CELA3B: variants seen among roughly 807,000 people sequenced by gnomAD.
The protein encoded by CELA3B is chymotrypsin like elastase 3B, also known as chymotrypsin-like elastase family member 3B.
Under a neutral mutation model 37.2 loss-of-function variants are expected in CELA3B, and 34 were observed. The ratio of observed to expected loss-of-function variants is 0.91; its 90% CI spans 0.70 to 1.22. The LOEUF (loss-of-function observed/expected upper bound fraction) is 1.22, where lower values mean the gene tolerates loss of function less well. Among genes scored for constraint, CELA3B ranks in the 50% most tolerant of loss-of-function variants. The probability of loss-of-function intolerance (pLI) is 0.00; values close to 1 mark genes in which losing one functional copy is unlikely to be tolerated. For synonymous variants in CELA3B, 127 were observed against 143.5 expected, an observed-to-expected ratio of 0.89 and a Z score of 0.82; for missense variants, 340 against 363.1, an observed-to-expected ratio of 0.94 and a Z score of 0.52.
chr1:21,988,992 T>C (rs1187634175), intron 7 of CELA3B, among the ~76,000 whole-genome samples: 5 of 151,900 alleles, frequency 3.3e-5, no homozygotes, highest in South Asian at 2.1e-4. Context: ...CACACACACA[T>C]ATATATGTAT....
At chr1:21,980,641 A>G (rs1282428960) in intron 2 of CELA3B, among the ~76,000 whole-genome samples, 183 bp from the exon 3 acceptor site, 1 of 144,506 alleles carries the variant, frequency 6.9e-6, no homozygotes, top group Non-Finnish European at 1.5e-5. Flanking sequence ...TGGAAAAGTG[A>G]TAGGGCCACC....
rs148487348 is a variant in CELA3B, at chr1:21,986,242, A to G, written c.643-289A>G. Among the ~76,000 whole-genome samples, 1,381 of 151,500 alleles carry G rather than the reference A, an allele frequency of 9.1e-3. 23 individuals are homozygous for G. The highest frequency in any genetic ancestry group is 0.032 in the African/African-American group (1,324 of 41,290). On this transcript the variant is annotated intron_variant, in intron 6 of 7. Coordinates refer to ENST00000337107, the MANE Select transcript of CELA3B (RefSeq NM_007352.4). ...AAATTAGCTGGGTGTGGTGGCAGGT[A>G]CCTGTAATCCCAGCTACTTAGGAGG... is the stretch of plus-strand genomic sequence containing the variant.
chr1:21,988,721 C>T (rs1240462690), intron 7 of CELA3B, among the ~76,000 whole-genome samples: 1 of 151,538 alleles, frequency 6.6e-6, no homozygotes, highest in Non-Finnish European at 1.5e-5. Context: ...GAAACCCTGT[C>T]TCTACTAAAA....
intron 2 of CELA3B, among the ~76,000 whole-genome samples, chr1:21,978,781 T>C (rs1644786523): frequency 6.6e-6 from 1 of 152,078 alleles, no homozygotes; most frequent in South Asian, 2.1e-4. Context: ...CCTAGGATGA[T>C]ACAACAGGGC....
At chr1:21,979,701 G>A (rs1253525977) in intron 2 of CELA3B, among the ~76,000 whole-genome samples, 3 of 150,894 alleles carry the variant, frequency 2.0e-5, no homozygotes, top group East Asian at 2.0e-4. Context: ...TGATCCTCCT[G>A]TCTTGACCTC....
chr1:21,979,602 G>T (rs1181362136), intron 2 of CELA3B, among the ~76,000 whole-genome samples: 2 of 151,226 alleles, frequency 1.3e-5, no homozygotes, highest in Admixed American at 1.3e-4. Context: ...ACAGGCATGT[G>T]CCACCATGCC....
At chr1:21,985,684 G>C (rs1644833297) in intron 6 of CELA3B, among the ~76,000 whole-genome samples, 1 of 151,876 alleles carries the variant, frequency 6.6e-6, no homozygotes, top group African/African-American at 2.4e-5. Context: ...GAGGTCAGGA[G>C]ATCGAGACCA....
chr1:21,991,825 A>C (rs990639705), downstream of CELA3B, among the ~76,000 whole-genome samples: 1 of 151,064 alleles, frequency 6.6e-6, no homozygotes, highest in African/African-American at 2.5e-5. Context: ...AACAGGTTAT[A>C]GAAGGAGCTG....
intron 4 of CELA3B, among the ~76,000 whole-genome samples, chr1:21,996,560 G>C (rs10799729): frequency 0.47 from 70,110 of 150,646 alleles, 18,936 homozygotes; most frequent in African/African-American, 0.67. Context: ...TGTCTATGGA[G>C]TAACCATTCT....
intron 4 of CELA3B, among the ~76,000 whole-genome samples, chr1:21,997,372 A>C: frequency 7.4e-6 from 1 of 135,692 alleles, no homozygotes. Context: ...AAAGAGCAAG[A>C]CAAGAGCAAG....
chr1:21,980,672 C>A, intron 2 of CELA3B, 152 bp from the exon 3 acceptor site: 2 of 612,250 alleles, frequency 3.3e-6, no homozygotes. Flanking sequence ...GCCCAGGTCG[C>A]AGGTTGTATG....
Position 21,984,070 on chromosome 1 carries a change from C to T in CELA3B, c.500-119C>T, listed in dbSNP as rs774557607. On this transcript the variant is annotated intron_variant, in intron 5 of 7. Transcript: ENST00000337107. ...GCACAAAGCATGCAGGACCATTTAG[C>T]GGGTGGGAGGAGAGTCCTCATCAGA... is the stretch of plus-strand genomic sequence containing the variant. 3.0e-5 allele frequency: 40 copies of T among 1,329,428 alleles called. No homozygotes were observed. In the Admixed American group the frequency reaches 3.4e-4, roughly 11 times the overall value. The allele number at this position is 1,329,428 out of a possible 1,614,324, so 82.4% of individuals were successfully genotyped here.
Position 21,989,313 on chromosome 1 carries a change from C to T in CELA3B, c.*34C>T. On this transcript the variant is annotated 3_prime_UTR_variant, in exon 8 of 8. Transcript: ENST00000337107. ...CCCAGCTGGCAGTGCTGATCGATCC[C>T]ACATCCTGAATAAAGAATAAAGATC... is the stretch of plus-strand genomic sequence containing the variant. The T allele has an allele frequency of 1.4e-6, 2 of 1,451,184 alleles. No individual in the cohort carries two copies. The highest frequency in any genetic ancestry group is 1.9e-6 in the Non-Finnish European group (2 of 1,042,380). The allele number at this position is 1,451,184 out of a possible 1,614,324, so 89.9% of individuals were successfully genotyped here. A position where few individuals can be genotyped will look rare whatever the true frequency, so the allele number is the denominator to read the frequency against.
intron 4 of CELA3B, among the ~76,000 whole-genome samples, chr1:21,983,187 T>TA (rs1209066832): frequency 2.0e-5 from 3 of 151,926 alleles, no homozygotes; most frequent in Admixed American, 2.0e-4. Context: ...CCGTCTCTAC[T>TA]AAAAATAATT....
rs920717405 is a variant in CELA3B at position 21,984,087 on chromosome 1, C to T, written c.500-102C>T. 2.1e-6 allele frequency: 3 copies of T among 1,427,940 alleles called. No individual in the cohort carries two copies. The African/African-American group carries it at 4.2e-5, about 20-fold the overall frequency. The allele number at this position is 1,427,940 out of a possible 1,614,324, so 88.5% of individuals were successfully genotyped here. A position where few individuals can be genotyped will look rare whatever the true frequency, so the allele number is the denominator to read the frequency against. Reference sequence around the variant, plus strand: ...CCATTTAGCGGGTGGGAGGAGAGTCCTCATCAGAGCAGAAGAACTGTGCGC... The same window carrying T: ...CCATTTAGCGGGTGGGAGGAGAGTCTTCATCAGAGCAGAAGAACTGTGCGC... On this transcript the variant is annotated intron_variant, in intron 5 of 7. Coordinates refer to ENST00000337107, the MANE Select transcript of CELA3B (RefSeq NM_007352.4).
At chr1:21,985,019 C>G (rs1644829607) in intron 6 of CELA3B, among the ~76,000 whole-genome samples, 1 of 152,016 alleles carries the variant, frequency 6.6e-6, no homozygotes, top group South Asian at 2.1e-4. Context: ...GTCCCTCATG[C>G]CTATAATCCA....
intron 2 of CELA3B, among the ~76,000 whole-genome samples, chr1:21,980,447 T>G (rs1285331373): frequency 4.6e-5 from 7 of 152,082 alleles, no homozygotes; most frequent in Non-Finnish European, 1.0e-4. Context: ...ACCATTGCAC[T>G]CCAGCCTGGG....
chr1:21,981,725 ATTC>A (rs1455078766), intron 4 of CELA3B, among the ~76,000 whole-genome samples: 3 of 99,698 alleles, frequency 3.0e-5, no homozygotes, highest in African/African-American at 9.1e-5. Context: ...TGTACAAAAA[ATTC>A]TTTTTTTTTT....
At chr1:21,989,551 A>T (rs374468309), downstream of CELA3B, among the ~76,000 whole-genome samples, 23 of 145,638 alleles carry the variant, frequency 1.6e-4, no homozygotes, top group Admixed American at 1.1e-3. Context: ...GAGTGAAGAC[A>T]CTGGACATTT....
Sources: allele counts gnomAD v4.1 joint callset (sites outside exome capture counted in the v4.1 genomes callset), GRCh38; gene constraint gnomAD v4.1.1; transcripts MANE v1.5; gene names NCBI Gene and HGNC (gene_info 2026-07-23, HGNC 2026-07-21).